The following DIAPH2 variants were observed in gnomAD, a reference collection of about 807,000 sequenced individuals.
DIAPH2 encodes the protein diaphanous related formin 2, also known as protein diaphanous homolog 2.
A neutral mutation model predicts 92.7 loss-of-function variants in DIAPH2; 35 were observed. That is an observed-to-expected ratio of 0.38 (90% CI 0.29 to 0.50). The LOEUF is 0.50. Among genes scored for constraint, DIAPH2 ranks in the 20% least tolerant of loss-of-function variants. The probability of loss-of-function intolerance (pLI) is 0.94; values close to 1 mark genes in which losing one functional copy is unlikely to be tolerated. For synonymous variants in DIAPH2, 301 were observed against 280.4 expected, an observed-to-expected ratio of 1.07 and a Z score of -0.73; for missense variants, 701 against 819.5, an observed-to-expected ratio of 0.86 and a Z score of 1.77.
chrX:96,878,297 G>T (rs1185998269), intron 4 of DIAPH2, among the ~76,000 whole-genome samples: 1 of 111,696 alleles, frequency 9.0e-6, no homozygotes, highest in African/African-American at 3.2e-5. Context: ...GTAGTATATA[G>T]TAGAGACAGG....
chrX:97,228,051 C>G (rs758359101), intron 22 of DIAPH2, among the ~76,000 whole-genome samples: 20 of 110,966 alleles, frequency 1.8e-4, no homozygotes, highest in Non-Finnish European at 2.6e-4. Flanking sequence ...CACGCATGTG[C>G]CATTATGCTA....
At chrX:96,962,280 TATATAC>T (rs1569436359) in intron 16 of DIAPH2, among the ~76,000 whole-genome samples, 93 of 77,864 alleles carry the variant, frequency 1.2e-3, no homozygotes, top group Non-Finnish European at 1.7e-3. Flanking sequence ...TATACATATA[TATATAC>T]ATATATATAT....
intron 17 of DIAPH2, among the ~76,000 whole-genome samples, chrX:97,013,115 A>T (rs1045606174): frequency 1.6e-4 from 18 of 112,187 alleles, no homozygotes; most frequent in African/African-American, 5.8e-4. Flanking sequence ...TAATTTAGAA[A>T]TGTATTTAAT....
intron 4 of DIAPH2, among the ~76,000 whole-genome samples, chrX:96,832,116 G>C (rs1206592745): frequency 3.6e-5 from 4 of 111,660 alleles, no homozygotes; most frequent in African/African-American, 1.3e-4. Context: ...TAGGTATAAA[G>C]AGAGCCTATT....
chrX:97,288,215 C>T (rs1317597588), intron 23 of DIAPH2, among the ~76,000 whole-genome samples: 1 of 111,162 alleles, frequency 9.0e-6, no homozygotes, highest in African/African-American at 3.3e-5. Flanking sequence ...ATTGTTGCTA[C>T]TTTATAATTC....
rs1160964808 is a variant in DIAPH2 at position 97,145,193 on chromosome X, T to C, written c.2719+3399T>C. The stretch of plus-strand genomic sequence containing the variant: ...AATAATAACAGTGAGATTAAATTAG[T>C]TAACATAGGCATTGCATCCAGTAAA... On this transcript the variant is annotated intron_variant, in intron 22 of 26. Transcript: ENST00000324765. 2.7e-5 allele frequency among the ~76,000 whole-genome samples: 3 copies of C among 111,334 alleles called. No individual in the cohort carries two copies. In the Admixed American group the frequency reaches 2.9e-4, roughly 11 times the overall value.
intron 19 of DIAPH2, among the ~76,000 whole-genome samples, chrX:97,086,778 C>A (rs146871032): frequency 0.012 from 1,382 of 111,444 alleles, 19 homozygotes; most frequent in African/African-American, 0.043. Flanking sequence ...GAAACCAAGG[C>A]TCAGAGAGGT....
intron 21 of DIAPH2, among the ~76,000 whole-genome samples, chrX:97,130,691 A>T (rs1602362171): frequency 1.8e-5 from 2 of 111,630 alleles, no homozygotes; most frequent in Admixed American, 1.9e-4. Context: ...TGATGGTTGC[A>T]CAACAGTGTG....
chrX:96,887,310 A>G (rs2065270210), intron 5 of DIAPH2, among the ~76,000 whole-genome samples: 2 of 111,545 alleles, frequency 1.8e-5, no homozygotes. Flanking sequence ...TACTTTTTCA[A>G]TTTTGTTTAG....
At chrX:96,849,479 A>G (rs1033708480) in intron 4 of DIAPH2, among the ~76,000 whole-genome samples, 2 of 111,868 alleles carry the variant, frequency 1.8e-5, no homozygotes, top group African/African-American at 6.5e-5. Context: ...CATTATTTTC[A>G]AAGTGTGCTC....
chrX:97,080,527 C>T (rs1286506286), intron 19 of DIAPH2, among the ~76,000 whole-genome samples: 1 of 97,196 alleles, frequency 1.0e-5, no homozygotes, highest in African/African-American at 3.9e-5. Flanking sequence ...TTTTCTGAAG[C>T]CCATTTGAGT....
chrX:97,170,435 G>A (rs746053038), intron 22 of DIAPH2, among the ~76,000 whole-genome samples: 30 of 112,073 alleles, frequency 2.7e-4, no homozygotes, highest in South Asian at 1.5e-3. Flanking sequence ...TTTGTAAAGA[G>A]AGTGATGAAA....
At chrX:97,171,351 T>C (rs759015160) in intron 22 of DIAPH2, among the ~76,000 whole-genome samples, 3 of 112,451 alleles carry the variant, frequency 2.7e-5, no homozygotes, top group African/African-American at 9.7e-5. Flanking sequence ...TATGTAATTA[T>C]AGTCTTTCAT....
rs768308165 is a variant in DIAPH2 at position 97,190,194 on chromosome X, T to C, written c.2719+48400T>C. Among the ~76,000 whole-genome samples the C allele has an allele frequency of 2.7e-5, 3 of 112,828 alleles. No homozygotes were observed. In the South Asian group the frequency reaches 1.1e-3, roughly 41 times the overall value. On this transcript the variant is annotated intron_variant, in intron 22 of 26. Coordinates refer to ENST00000324765, the MANE Select transcript of DIAPH2 (RefSeq NM_006729.5). ...TCATGGCATTGGTAGCCCCATTCTTTGTGTTTGTACAATGCACTAGTCTCC... is the reference window on the plus strand; with the variant it reads ...TCATGGCATTGGTAGCCCCATTCTTCGTGTTTGTACAATGCACTAGTCTCC...
intron 26 of DIAPH2, among the ~76,000 whole-genome samples, chrX:97,594,584 C>G (rs1437084640): frequency 8.9e-6 from 1 of 112,796 alleles, no homozygotes; most frequent in African/African-American, 3.2e-5. Context: ...ACCCAGACCT[C>G]TACTTGCTCT....
chrX:97,023,228 A>G (rs1439016247), intron 17 of DIAPH2, among the ~76,000 whole-genome samples: 1 of 111,653 alleles, frequency 9.0e-6, no homozygotes, highest in Non-Finnish European at 1.9e-5. Flanking sequence ...TTTATCTTGG[A>G]TATTAGACTT....
intron 26 of DIAPH2, among the ~76,000 whole-genome samples, chrX:97,512,187 G>T (rs1363279228): frequency 1.3e-3 from 148 of 113,194 alleles, no homozygotes; most frequent in African/African-American, 4.5e-3. Flanking sequence ...CAATTTCAGA[G>T]ACTCTTATTG....
chrX:97,359,415 AGAGT>A (rs2069300388), intron 24 of DIAPH2, among the ~76,000 whole-genome samples: 1 of 109,879 alleles, frequency 9.1e-6, no homozygotes, highest in African/African-American at 3.3e-5. Context: ...ATTTAAAATG[AGAGT>A]AAGTGTCCTA....
chrX:96,781,662 A>C (rs185291770), intron 4 of DIAPH2, among the ~76,000 whole-genome samples: 1 of 110,963 alleles, frequency 9.0e-6, no homozygotes. Flanking sequence ...CGACATTCAT[A>C]CTATTTTTCT....
Sources: gnomAD v4.1 joint callset for allele counts (sites outside exome capture counted in the v4.1 genomes callset) on GRCh38, gnomAD v4.1.1 for gene constraint, MANE v1.5 for transcripts, NCBI Gene and HGNC (gene_info 2026-07-23, HGNC 2026-07-21) for gene names.